Variants in ZNF454 observed in about 807,000 individuals in gnomAD.
ZNF454 encodes the protein zinc finger protein 454.
Under a neutral mutation model 48.2 loss-of-function variants are expected in ZNF454, and 30 were observed. That is an observed-to-expected ratio of 0.62 (90% CI 0.47 to 0.84). ZNF454 has a LOEUF of 0.84. Ranked by LOEUF, ZNF454 falls within the 40% of genes least tolerant of loss-of-function variation. The pLI is 0.00. For synonymous variants in ZNF454, 204 were observed against 211.4 expected (o/e 0.97, Z 0.30); for missense variants, 510 against 623.1 (o/e 0.82, Z 1.93).
chr5:178,976,863 G>A, the ZNF454 span, among the ~76,000 whole-genome samples: 8 of 152,204 alleles, frequency 5.3e-5, no homozygotes, highest in African/African-American at 1.7e-4. Flanking sequence ...TAACTCAGAT[G>A]TTGATACTAC....
the ZNF454 span, among the ~76,000 whole-genome samples, chr5:178,984,575 G>T: frequency 1.3e-5 from 2 of 152,134 alleles, no homozygotes; most frequent in Non-Finnish European, 2.9e-5. Flanking sequence ...GAGAGCTGGG[G>T]GTCCCCAACG....
At chr5:178,947,028 T>A in intron 4 of ZNF454, 42 bp downstream of exon 4, 1 of 1,566,686 alleles carries the variant, frequency 6.4e-7, no homozygotes, top group Middle Eastern at 1.7e-4. Context: ...GGAGCCCTGC[T>A]GGGTAGGGAA....
the ZNF454 span, among the ~76,000 whole-genome samples, chr5:178,973,779 C>G: frequency 6.8e-6 from 1 of 147,970 alleles, no homozygotes; most frequent in African/African-American, 2.5e-5. Context: ...GGAGGCGGAG[C>G]TTGCAGTGAG....
chr5:178,966,237 A>T lies in ZNF454; in HGVS notation c.*264A>T, dbSNP rs909833017. 2 of 292,554 alleles carry T rather than the reference A, an allele frequency of 6.8e-6. 1 individual carries two copies. The highest frequency in any genetic ancestry group is 4.3e-5 in the African/African-American group (2 of 46,390). 18.1% of individuals were successfully genotyped at this position (292,554 alleles called of 1,614,324 possible). A position where few individuals can be genotyped will look rare whatever the true frequency, so the allele number is the denominator to read the frequency against. ...ATCACGAGGTCAGGAGATCGAGACC[A>T]TCCTGGCTAACAGGGTGAAACCCCA... On this transcript the variant is annotated 3_prime_UTR_variant, in exon 5 of 5. Coordinates refer to ENST00000519564, the MANE Select transcript of ZNF454 (RefSeq NM_001178089.3).
Position 178,944,684 on chromosome 5 carries a change from T to A in ZNF454, c.34-1675T>A, listed in dbSNP as rs1759243251. ...GCAAAGGCAAAGACACAGCTAGATG[T>A]TGACTGTGGAAGTGGGATCTACAAT... On this transcript the variant is annotated intron_variant, in intron 2 of 4. Coordinates refer to ENST00000519564, the MANE Select transcript of ZNF454 (RefSeq NM_001178089.3). This position sits in a 1 kb window ranked among gnomAD's most constrained non-coding sequence, Gnocchi z 4.1. 6.6e-6 allele frequency among the ~76,000 whole-genome samples: 1 copy of A among 152,220 alleles called. No individual in the cohort carries two copies. Among genetic ancestry groups the A allele is most frequent in the Non-Finnish European group, 1.5e-5 (1 of 68,038 alleles).
intron 4 of ZNF454, among the ~76,000 whole-genome samples, chr5:178,963,389 ATT>A (rs541676794): frequency 6.6e-6 from 1 of 151,772 alleles, no homozygotes; most frequent in South Asian, 2.1e-4. Context: ...GCTCAACAGG[ATT>A]TTAGTCTTGA....
chr5:178,987,492 G>A, the ZNF454 span: 1 of 455,526 alleles, frequency 2.2e-6, no homozygotes. Flanking sequence ...AAGGAAGGCA[G>A]TTCTGACCCA....
chr5:178,969,078 A>G (rs1465762808), downstream of ZNF454, among the ~76,000 whole-genome samples: 1 of 152,072 alleles, frequency 6.6e-6, no homozygotes, highest in Non-Finnish European at 1.5e-5. Context: ...GCCCAGGCTG[A>G]CTTGAATATA....
chr5:178,971,784 A>G, the ZNF454 span, among the ~76,000 whole-genome samples: 1 of 142,038 alleles, frequency 7.0e-6, no homozygotes, highest in African/African-American at 2.6e-5. Context: ...TGAACCCGGG[A>G]GGTGGAGCTT....
At chr5:178,968,851 G>C, downstream of ZNF454, 1 of 456,728 alleles carries the variant, frequency 2.2e-6, no homozygotes, top group Middle Eastern at 3.3e-4. Context: ...ACCAAGGCGT[G>C]CAGCCACTTG....
chr5:178,981,834 C>G, the ZNF454 span: 1 of 1,612,170 alleles, frequency 6.2e-7, no homozygotes, highest in Non-Finnish European at 8.5e-7. The surrounding 1 kb of genome is among the most constrained non-coding windows in gnomAD (Gnocchi z 5.1). Flanking sequence ...ACACGGTTAG[C>G]GTGGTTGTCT....
At chr5:178,960,214 G>T (rs999135440) in intron 4 of ZNF454, among the ~76,000 whole-genome samples, 1 of 150,202 alleles carries the variant, frequency 6.7e-6, no homozygotes, top group African/African-American at 2.4e-5. Context: ...GCCTCCCAAA[G>T]CACTGGGATT....
the ZNF454 span, among the ~76,000 whole-genome samples, chr5:178,974,312 G>GGTT: frequency 4.7e-3 from 691 of 147,840 alleles, 6 homozygotes; most frequent in Admixed American, 8.9e-3. Context: ...TTGTGGTTGT[G>GGTT]GTTGTTGTTG....
At chr5:178,960,480 C>T (rs538873933) in intron 4 of ZNF454, among the ~76,000 whole-genome samples, 4 of 151,600 alleles carry the variant, frequency 2.6e-5, no homozygotes, top group African/African-American at 9.6e-5. Context: ...TCGCAAACTC[C>T]GGACCTCAGG....
At chr5:178,986,444 C>G in the ZNF454 span, 1 of 1,613,264 alleles carries the variant, frequency 6.2e-7, no homozygotes, top group Non-Finnish European at 8.5e-7. Context: ...AAGGTGGCCA[C>G]CACCGTGGTA....
intron 4 of ZNF454, among the ~76,000 whole-genome samples, chr5:178,949,029 T>C (rs949366980): frequency 3.3e-5 from 5 of 151,206 alleles, no homozygotes; most frequent in African/African-American, 1.2e-4. Context: ...TGCCACTGCC[T>C]GGCTAATTTT....
At chr5:178,964,124 AC>A (rs1160455860) in intron 4 of ZNF454, among the ~76,000 whole-genome samples, 1 of 136,572 alleles carries the variant, frequency 7.3e-6, no homozygotes, top group Non-Finnish European at 1.6e-5. Flanking sequence ...CAGGCCTGTG[AC>A]TTTTTTTTTT....
the ZNF454 span, chr5:178,986,746 G>A: frequency 5.6e-6 from 9 of 1,607,370 alleles, no homozygotes; most frequent in African/African-American, 9.3e-5. Flanking sequence ...CCACTGCAGG[G>A]CCTCCACCTG....
the ZNF454 span, chr5:178,986,971 G>A: frequency 6.2e-7 from 1 of 1,613,694 alleles, no homozygotes; most frequent in African/African-American, 1.3e-5. Flanking sequence ...CATCACAGGG[G>A]TTCCTGCGCT....
Sources: gnomAD v4.1 joint callset for allele counts (sites outside exome capture counted in the v4.1 genomes callset) on GRCh38, gnomAD v4.1.1 for gene constraint, Gnocchi (gnomAD v3.1) non-coding constraint, MANE v1.5 for transcripts, NCBI Gene and HGNC (gene_info 2026-07-23, HGNC 2026-07-21) for gene names.